Variants in EBF1 observed in about 807,000 individuals in gnomAD.
EBF1 encodes the protein transcription factor COE1.
Under a neutral mutation model 68.4 loss-of-function variants are expected in EBF1, and 10 were observed. That is an observed-to-expected ratio of 0.15 (90% CI 0.09 to 0.25). The LOEUF is 0.25. EBF1 is among the 10% of genes least tolerant of loss of function. EBF1 has a pLI of 1.00. For synonymous variants in EBF1, 298 were observed against 299.8 expected, an observed-to-expected ratio of 0.99 and a Z score of 0.06; for missense variants, 509 against 794.4, an observed-to-expected ratio of 0.64 and a Z score of 4.32.
chr5:158,862,418 A>C (rs528989702), intron 6 of EBF1, among the ~76,000 whole-genome samples: 1 of 152,296 alleles, frequency 6.6e-6, no homozygotes, highest in African/African-American at 2.4e-5. Flanking sequence ...CATATCCATG[A>C]TCCAACCTGT....
At chr5:158,830,128 C>T (rs1442470566) in intron 7 of EBF1, among the ~76,000 whole-genome samples, 1 of 152,104 alleles carries the variant, frequency 6.6e-6, no homozygotes, top group Non-Finnish European at 1.5e-5. Flanking sequence ...CAGATTTGTC[C>T]AACACCTCCT....
At chr5:159,097,931 GCA>G (rs142473933) in intron 1 of EBF1, among the ~76,000 whole-genome samples, 2 of 151,430 alleles carry the variant, frequency 1.3e-5, no homozygotes, top group Non-Finnish European at 3.0e-5. Flanking sequence ...GCGCGCACAG[GCA>G]CACACACACA....
intron 6 of EBF1, among the ~76,000 whole-genome samples, chr5:159,072,687 T>C (rs1778026500): frequency 6.6e-6 from 1 of 152,204 alleles, no homozygotes; most frequent in Non-Finnish European, 1.5e-5. Context: ...ATAATTAAAA[T>C]GTAAAATGAA....
chr5:158,711,918 T>C (rs1027166673), intron 14 of EBF1, among the ~76,000 whole-genome samples: 3 of 152,146 alleles, frequency 2.0e-5, no homozygotes, highest in African/African-American at 7.2e-5. Flanking sequence ...CTGCTTTGGA[T>C]GGTAGCAACA....
chr5:159,099,488 C>G lies in EBF1; in HGVS notation c.-10G>C. 6.7e-7 allele frequency: 1 copy of G among 1,493,890 alleles called. No individual in the cohort carries two copies. Among genetic ancestry groups the G allele is most frequent in the Non-Finnish European group, 8.9e-7 (1 of 1,118,172 alleles). The allele number at this position is 1,493,890 out of a possible 1,614,324, so 92.5% of individuals were successfully genotyped here. On this transcript the variant is annotated 5_prime_UTR_variant, in exon 1 of 16. Transcript: ENST00000313708. ...CCTGAATCCCAAACATGAAAACAAC[C>G]TTTTCTTGTGGAAAATCTCCTCCCC... is the stretch of plus-strand genomic sequence containing the variant.
At chr5:158,984,985 A>G (rs72813905) in intron 6 of EBF1, among the ~76,000 whole-genome samples, 1,525 of 152,166 alleles carry the variant, frequency 0.01, 13 homozygotes, top group Non-Finnish European at 0.016. Context: ...ACTCAGCCCA[A>G]TGCTGCTTTC....
At chr5:158,859,787 A>G (rs1384831579) in intron 6 of EBF1, among the ~76,000 whole-genome samples, 2 of 152,202 alleles carry the variant, frequency 1.3e-5, no homozygotes, top group African/African-American at 4.8e-5. Context: ...ATCCACCTTG[A>G]TCACATTGGC....
At chr5:158,939,068 A>G (rs1441564463) in intron 6 of EBF1, among the ~76,000 whole-genome samples, 1 of 152,142 alleles carries the variant, frequency 6.6e-6, no homozygotes, top group African/African-American at 2.4e-5. Context: ...TAATTTCAAG[A>G]CCTGGCACAC....
chr5:158,775,630 T>C (rs556353580), intron 10 of EBF1, among the ~76,000 whole-genome samples: 1 of 151,788 alleles, frequency 6.6e-6, no homozygotes, highest in African/African-American at 2.4e-5. Flanking sequence ...GAACACCGAG[T>C]TCAGTGGGGG....
chr5:158,824,844 G>A (rs951994722), intron 7 of EBF1, among the ~76,000 whole-genome samples: 1 of 152,174 alleles, frequency 6.6e-6, no homozygotes, highest in Admixed American at 6.5e-5. Context: ...AGTGCATCCT[G>A]GCAAAATACG....
chr5:159,045,492 T>TA (rs969085127), intron 6 of EBF1, among the ~76,000 whole-genome samples: 3 of 152,008 alleles, frequency 2.0e-5, no homozygotes, highest in African/African-American at 7.2e-5. Context: ...TTCATTGCAT[T>TA]AAAAAAAAGA....
At chr5:158,846,414 GTC>G in intron 6 of EBF1, among the ~76,000 whole-genome samples, 1 of 152,330 alleles carries the variant, frequency 6.6e-6, no homozygotes, top group Non-Finnish European at 1.5e-5. Flanking sequence ...CTTTCTAAGA[GTC>G]TAAGGATTAT....
intron 9 of EBF1, among the ~76,000 whole-genome samples, chr5:158,787,682 GT>G (rs1777735352): frequency 6.6e-6 from 1 of 152,142 alleles, no homozygotes; most frequent in African/African-American, 2.4e-5. Flanking sequence ...GTGACCTTCA[GT>G]TTCCTTATTG....
chr5:158,980,561 T>C (rs1757692280), intron 6 of EBF1, among the ~76,000 whole-genome samples: 1 of 152,230 alleles, frequency 6.6e-6, no homozygotes, highest in Admixed American at 6.5e-5. Flanking sequence ...ATGTGTTTAT[T>C]GACAGTTCAT....
Position 158,924,619 on chromosome 5 carries a change from G to A in EBF1, c.555-84509C>T, listed in dbSNP as rs142918823. ...TATAATCCCAGCAGTTTGGAAGGCC[G>A]AGGCGGGCGGATCACGAGGTCACGA... On this transcript the variant is annotated intron_variant, in intron 6 of 15. Transcript: ENST00000313708. 1.2e-3 allele frequency among the ~76,000 whole-genome samples: 184 copies of A among 152,120 alleles called. 1 individual carries two copies. The highest frequency in any genetic ancestry group is 4.2e-3 in the African/African-American group (176 of 41,502).
chr5:158,855,889 C>G (rs1040692304), intron 6 of EBF1, among the ~76,000 whole-genome samples: 2 of 152,230 alleles, frequency 1.3e-5, no homozygotes, highest in African/African-American at 4.8e-5. Flanking sequence ...TGGGACACCC[C>G]CTGCCCTGCT....
chr5:158,861,754 A>G (rs565876468), intron 6 of EBF1, among the ~76,000 whole-genome samples: 119 of 152,234 alleles, frequency 7.8e-4, no homozygotes, highest in African/African-American at 2.8e-3. Context: ...GTTATGTGGC[A>G]TCTTACATAG....
intron 8 of EBF1, among the ~76,000 whole-genome samples, chr5:158,808,626 C>T (rs2127786550): frequency 1.3e-5 from 2 of 152,222 alleles, no homozygotes; most frequent in South Asian, 4.1e-4. Context: ...AATTATAAGA[C>T]AGCCCACCTC....
At chr5:158,889,217 C>T (rs1039207960) in intron 6 of EBF1, among the ~76,000 whole-genome samples, 3 of 152,122 alleles carry the variant, frequency 2.0e-5, no homozygotes, top group Non-Finnish European at 2.9e-5. Context: ...TCAACAAGTA[C>T]TTGTGGAATA....
Sources: allele counts gnomAD v4.1 joint callset (sites outside exome capture counted in the v4.1 genomes callset), GRCh38; gene constraint gnomAD v4.1.1; transcripts MANE v1.5; gene names NCBI Gene and HGNC (gene_info 2026-07-23, HGNC 2026-07-21).